Variants in TRPM3 observed in about 807,000 individuals in gnomAD.
TRPM3 encodes transient receptor potential cation channel subfamily M member 3.
A neutral mutation model predicts 181.2 loss-of-function variants in TRPM3; 77 were observed. The observed-to-expected ratio is 0.42, with a 90% CI of 0.35 to 0.51. The LOEUF (loss-of-function observed/expected upper bound fraction) is 0.51, where lower values mean the gene tolerates loss of function less well. Ranked by LOEUF, TRPM3 falls within the 20% of genes least tolerant of loss-of-function variation. The pLI is 0.01. For missense variants in TRPM3, 1,759 were observed against 2,196.7 expected, an observed-to-expected ratio of 0.80 and a Z score of 3.98; for synonymous variants, 745 against 796.4, an observed-to-expected ratio of 0.94 and a Z score of 1.09.
chr9:70,576,874 C>G (rs1279758480), intron 22 of TRPM3, among the ~76,000 whole-genome samples: 1 of 152,172 alleles, frequency 6.6e-6, no homozygotes, highest in African/African-American at 2.4e-5. Context: ...TTGAAAGCAT[C>G]CAGACCATTC....
At chr9:71,029,364 A>G (rs2056998311) in intron 1 of TRPM3, among the ~76,000 whole-genome samples, 1 of 152,178 alleles carries the variant, frequency 6.6e-6, no homozygotes, top group African/African-American at 2.4e-5. Flanking sequence ...ATAAAAATAA[A>G]CTTAAATGGA....
At chr9:71,237,471 G>A (rs1375457766) in intron 1 of TRPM3, among the ~76,000 whole-genome samples, 12 of 152,020 alleles carry the variant, frequency 7.9e-5, no homozygotes, top group Non-Finnish European at 1.6e-4. Context: ...AAAAGGGTGT[G>A]GATAGCAACA....
At chr9:71,018,104 A>T (rs1478370562) in intron 1 of TRPM3, among the ~76,000 whole-genome samples, 1 of 151,896 alleles carries the variant, frequency 6.6e-6, no homozygotes, top group Non-Finnish European at 1.5e-5. Context: ...ATCAAAATGG[A>T]AGTTAAAAAG....
chr9:70,809,864 C>T (rs974933486), intron 6 of TRPM3: 8 of 480,372 alleles, frequency 1.7e-5, no homozygotes, highest in Non-Finnish European at 3.5e-5. Context: ...TGACCTTTAA[C>T]ATACAGTGTT....
chr9:71,434,557 G>A (rs966295298), intron 1 of TRPM3, among the ~76,000 whole-genome samples: 6 of 152,126 alleles, frequency 3.9e-5, no homozygotes, highest in African/African-American at 1.4e-4. Context: ...ATATTCTAGG[G>A]AAAACTATCT....
chr9:71,296,672 T>G (rs1324472795), intron 1 of TRPM3, among the ~76,000 whole-genome samples: 3 of 152,272 alleles, frequency 2.0e-5, no homozygotes, highest in Admixed American at 6.5e-5. Context: ...TCTGATATAT[T>G]TTTAAACTAG....
chr9:70,928,370 AG>A (rs758190762), intron 1 of TRPM3, among the ~76,000 whole-genome samples: 2 of 152,222 alleles, frequency 1.3e-5, no homozygotes, highest in African/African-American at 2.4e-5. Flanking sequence ...TCTTGCTAAA[AG>A]GGTGATCCTA....
In TRPM3 at chr9:71,170,621, A is replaced by G. The variant is rs576556645; in HGVS notation, c.183+276032T>C. 8.5e-4 allele frequency among the ~76,000 whole-genome samples: 130 copies of G among 152,312 alleles called. 1 individual carries two copies. Among genetic ancestry groups the G allele is most frequent in the Non-Finnish European group, 1.7e-3 (115 of 68,036 alleles). ...ATTTCTTATGCCTGTCTTTACTGCA[A>G]TCTCTAAACATAAATTGTAAAGATT... is the stretch of plus-strand genomic sequence containing the variant. On this transcript the variant is annotated intron_variant, in intron 1 of 24. Transcript: ENST00000357533.
chr9:70,631,926 A>C (rs962396791), intron 12 of TRPM3, among the ~76,000 whole-genome samples: 4 of 152,164 alleles, frequency 2.6e-5, no homozygotes, highest in Non-Finnish European at 4.4e-5. Flanking sequence ...TTGGTTCTTA[A>C]GAGTTATTTA....
intron 22 of TRPM3, among the ~76,000 whole-genome samples, chr9:70,578,736 G>A (rs2054741860): frequency 6.6e-6 from 1 of 152,242 alleles, no homozygotes; most frequent in Non-Finnish European, 1.5e-5. Flanking sequence ...TACAAGTTGA[G>A]GCAACTACAT....
intron 9 of TRPM3, among the ~76,000 whole-genome samples, chr9:70,677,765 T>G (rs1429682367): frequency 6.6e-6 from 1 of 152,234 alleles, no homozygotes; most frequent in Non-Finnish European, 1.5e-5. Flanking sequence ...TATGCTTTTC[T>G]CTTGTTAATA....
intron 1 of TRPM3, among the ~76,000 whole-genome samples, chr9:71,089,175 AT>A (rs1274623560): frequency 6.8e-6 from 1 of 147,838 alleles, no homozygotes; most frequent in African/African-American, 2.5e-5. Flanking sequence ...ATGAATATAT[AT>A]TTTTATGATA....
intron 8 of TRPM3, among the ~76,000 whole-genome samples, chr9:70,688,908 C>T (rs2067720658): frequency 6.6e-6 from 1 of 152,172 alleles, no homozygotes; most frequent in African/African-American, 2.4e-5. Flanking sequence ...TCTCTCTGCA[C>T]TGAAGAGCAG....
chr9:71,207,362 A>G (rs2079187090), intron 1 of TRPM3, among the ~76,000 whole-genome samples: 2 of 152,122 alleles, frequency 1.3e-5, no homozygotes, highest in Admixed American at 6.5e-5. Context: ...TGTAATTCCT[A>G]GTCATATTTA....
At chr9:70,942,218 T>C (rs1230160511) in intron 1 of TRPM3, among the ~76,000 whole-genome samples, 1 of 152,184 alleles carries the variant, frequency 6.6e-6, no homozygotes. Context: ...CATTTCCTCT[T>C]ATATTCTTTT....
chr9:70,819,186 A>G (rs2092957085), intron 6 of TRPM3, among the ~76,000 whole-genome samples: 1 of 152,184 alleles, frequency 6.6e-6, no homozygotes, highest in Non-Finnish European at 1.5e-5. Context: ...ACTGTCCTGC[A>G]TATTGTAGGA....
At chr9:70,616,931 T>C (rs2133130107) in intron 17 of TRPM3, among the ~76,000 whole-genome samples, 1 of 152,278 alleles carries the variant, frequency 6.6e-6, no homozygotes, top group Non-Finnish European at 1.5e-5. Flanking sequence ...CCAAGTCCTC[T>C]CTCACCTCTT....
chr9:71,028,809 A>C (rs1401711956), intron 1 of TRPM3, among the ~76,000 whole-genome samples: 1 of 152,198 alleles, frequency 6.6e-6, no homozygotes, highest in Non-Finnish European at 1.5e-5. Context: ...TCATAAAGCA[A>C]GTTCTTAGAG....
At chr9:70,655,380 A>C (rs1301024387) in intron 9 of TRPM3, among the ~76,000 whole-genome samples, 3 of 151,406 alleles carry the variant, frequency 2.0e-5, no homozygotes, top group Non-Finnish European at 2.9e-5. Context: ...CACATTAAGG[A>C]AAAAGAGCCC....
Sources: gnomAD v4.1 joint callset for allele counts (sites outside exome capture counted in the v4.1 genomes callset) on GRCh38, gnomAD v4.1.1 for gene constraint, MANE v1.5 for transcripts, NCBI Gene and HGNC (gene_info 2026-07-23, HGNC 2026-07-21) for gene names.